CHIC1: variants seen among roughly 807,000 people sequenced by gnomAD.
CHIC1 encodes cysteine-rich hydrophobic domain-containing protein 1.
CHIC1 carries 7 observed loss-of-function variants against 18.5 expected under a neutral mutation model. The observed-to-expected ratio is 0.38, with a 90% CI of 0.22 to 0.71. The LOEUF (loss-of-function observed/expected upper bound fraction) is 0.71. Among genes scored for constraint, CHIC1 ranks in the 30% least tolerant of loss-of-function variants. The pLI, the probability that CHIC1 is intolerant of heterozygous loss-of-function variation, is 0.49. For missense variants in CHIC1, 159 were observed against 176.9 expected, an observed-to-expected ratio of 0.90 and a Z score of 0.57; for synonymous variants, 77 against 73.5, an observed-to-expected ratio of 1.05 and a Z score of -0.25.
At chrX:73,576,881 C>T (rs1280363366) in intron 1 of CHIC1, among the ~76,000 whole-genome samples, 1 of 110,596 alleles carries the variant, frequency 9.0e-6, no homozygotes, top group African/African-American at 3.3e-5. Context: ...GAAAGCCATT[C>T]ATAAGGATTA....
intron 3 of CHIC1, among the ~76,000 whole-genome samples, chrX:73,644,380 A>G (rs888747767): frequency 4.5e-5 from 5 of 112,157 alleles, no homozygotes; most frequent in African/African-American, 1.6e-4. Flanking sequence ...CTCCAGCTGC[A>G]TGCTGGGAGA....
chrX:73,573,997 T>C (rs2057483713), intron 1 of CHIC1, among the ~76,000 whole-genome samples: 1 of 110,677 alleles, frequency 9.0e-6, no homozygotes, highest in South Asian at 3.8e-4. Context: ...ACATTTTTTT[T>C]CTTGTTCCAG....
At chrX:73,647,877 T>C (rs1411432391) in intron 3 of CHIC1, among the ~76,000 whole-genome samples, 1 of 112,027 alleles carries the variant, frequency 8.9e-6, no homozygotes, top group Non-Finnish European at 1.9e-5. Flanking sequence ...AAGTGCATGA[T>C]TAAATGGATT....
chrX:73,667,241 G>A (rs1307027026), intron 3 of CHIC1, among the ~76,000 whole-genome samples: 1 of 111,223 alleles, frequency 9.0e-6, no homozygotes, highest in Admixed American at 9.5e-5. Flanking sequence ...GCATATTTTT[G>A]TCTTTGCATG....
In CHIC1 at chrX:73,685,287, A is replaced by G. The variant is rs1388815239; in HGVS notation, c.*4282A>G. The G allele has an allele frequency of 9.0e-6, 1 of 111,398 alleles. No individual in the cohort carries two copies. Among genetic ancestry groups the G allele is most frequent in the Admixed American group, 9.6e-5 (1 of 10,441 alleles). The allele number at this position is 111,398 out of a possible 1,213,427, so 9.2% of individuals were successfully genotyped here. On this transcript the variant is annotated 3_prime_UTR_variant, in exon 6 of 6. Transcript: ENST00000373502. ...AGTTCCTTGGTGATGCTAAGAGTAA[A>G]TGTAGTTTTCCTAGGAACTGAGCAC...
intron 3 of CHIC1, among the ~76,000 whole-genome samples, chrX:73,616,757 G>A (rs2147580534): frequency 8.9e-6 from 1 of 111,745 alleles, no homozygotes; most frequent in East Asian, 2.8e-4. Context: ...TGGCTAGAGT[G>A]GCTAGGATGG....
intron 3 of CHIC1, among the ~76,000 whole-genome samples, chrX:73,617,737 A>G (rs1881547446): frequency 9.0e-6 from 1 of 111,651 alleles, no homozygotes; most frequent in Non-Finnish European, 1.9e-5. Context: ...AACTGCCCCC[A>G]TGATTCAATT....
In CHIC1 at chrX:73,603,160, C is replaced by A. The variant is rs188974752; in HGVS notation, c.507+18588C>A. Among the ~76,000 whole-genome samples the A allele has an allele frequency of 5.5e-5, 6 of 108,307 alleles. No individual in the cohort carries two copies. The East Asian group carries it at 1.4e-3, about 26-fold the overall frequency. 94.1% of individuals were successfully genotyped at this position (108,307 alleles called of 115,157 possible). On this transcript the variant is annotated intron_variant, in intron 3 of 5. Transcript: ENST00000373502. ...CTATTTATGAGCATGGAATGTTTTT[C>A]CATTTGTTTTTGTCCTCTCTTGAGC...
intron 2 of CHIC1, among the ~76,000 whole-genome samples, chrX:73,580,980 A>G (rs963423959): frequency 9.0e-6 from 1 of 111,355 alleles, no homozygotes; most frequent in African/African-American, 3.2e-5. Context: ...TGTTTTCCCT[A>G]TTTCATATCG....
Position 73,683,335 on chromosome X carries a change from A to AT in CHIC1, c.*2337dup, listed in dbSNP as rs1021319443. On this transcript the variant is annotated 3_prime_UTR_variant, in exon 6 of 6. Transcript: ENST00000373502. ...TCTTCAACTACCCAAAAAAATACCA[A>AT]TTTTTTTCCTCTCTTGTATGACTAC... 1 of 111,058 alleles carries AT rather than the reference A, an allele frequency of 9.0e-6. No individual in the cohort carries two copies. 9.2% of individuals were successfully genotyped at this position (111,058 alleles called of 1,213,427 possible).
intron 3 of CHIC1, among the ~76,000 whole-genome samples, chrX:73,628,894 A>C (rs891478721): frequency 2.7e-5 from 3 of 111,064 alleles, no homozygotes; most frequent in Non-Finnish European, 5.7e-5. Context: ...TTAATTTTTG[A>C]GGAAACTCCA....
intron 3 of CHIC1, among the ~76,000 whole-genome samples, chrX:73,627,252 A>C (rs918544644): frequency 3.6e-5 from 4 of 112,090 alleles, no homozygotes; most frequent in African/African-American, 1.3e-4. Flanking sequence ...GTGCTTCGTC[A>C]GACCTGAAGC....
At position 73,680,943 on chromosome X, in the gene CHIC1, T is replaced by A; in HGVS notation, c.625-12T>A. 1.0e-6 allele frequency: 1 copy of A among 959,960 alleles called. No homozygotes were observed. The highest frequency in any genetic ancestry group is 1.4e-6 in the Non-Finnish European group (1 of 692,428). The allele number at this position is 959,960 out of a possible 1,213,427, so 79.1% of individuals were successfully genotyped here. A position where few individuals can be genotyped will look rare whatever the true frequency, so the allele number is the denominator to read the frequency against. ...AATATTTTGTAAATATATTCTTGTT[T>A]TTATTTTGCAGGTAATACTAATAGA... On this transcript the variant is annotated splice_polypyrimidine_tract_variant and intron_variant, in intron 5 of 5. Transcript: ENST00000373502.
intron 3 of CHIC1, among the ~76,000 whole-genome samples, chrX:73,594,086 G>T (rs917577968): frequency 2.4e-4 from 26 of 110,179 alleles, no homozygotes; most frequent in African/African-American, 8.6e-4. Context: ...TATTTTATAG[G>T]GGTTTTTTTT....
chrX:73,634,996 G>C lies in CHIC1; in HGVS notation c.508-44330G>C, dbSNP rs139906688. Among the ~76,000 whole-genome samples, 1,022 of 110,397 alleles carry C rather than the reference G, an allele frequency of 9.3e-3. 8 individuals carry two copies. Among genetic ancestry groups the C allele is most frequent in the African/African-American group, 0.033 (994 of 30,258 alleles). ...GTGCTGAAACCTTAGTTAGACTCTG[G>C]CTCCCACAAAAGTATTCTCATCTAT... On this transcript the variant is annotated intron_variant, in intron 3 of 5. Coordinates refer to ENST00000373502, the MANE Select transcript of CHIC1 (RefSeq NM_001039840.4).
chrX:73,662,147 A>G (rs1053449960), intron 3 of CHIC1, among the ~76,000 whole-genome samples: 1 of 110,896 alleles, frequency 9.0e-6, no homozygotes, highest in Non-Finnish European at 1.9e-5. Context: ...CATGCTCTAT[A>G]TGGCCTGGTA....
chrX:73,642,882 C>G (rs1303301639), intron 3 of CHIC1, among the ~76,000 whole-genome samples: 2 of 108,782 alleles, frequency 1.8e-5, no homozygotes, highest in Admixed American at 9.9e-5. Flanking sequence ...TGATCTATAT[C>G]TCTGTTTTGG....
In CHIC1 at chrX:73,686,950, C is replaced by CTTT. The variant is rs2058125160; in HGVS notation, c.*5945_*5946insTTT. The CTTT allele has an allele frequency of 9.0e-6, 1 of 111,402 alleles. No homozygotes were observed. The highest frequency in any genetic ancestry group is 1.9e-5 in the Non-Finnish European group (1 of 52,877). 9.2% of individuals were successfully genotyped at this position (111,402 alleles called of 1,213,427 possible). On this transcript the variant is annotated 3_prime_UTR_variant, in exon 6 of 6. Transcript: ENST00000373502. ...CTCCCTTGAGTCCAGGAATGACTTC[C>CTTT]CTGGAAAAACTCAATCTATATACAG...
upstream of CHIC1, chrX:73,563,156 G>A (rs1403877509): frequency 9.6e-6 from 2 of 208,414 alleles, no homozygotes; most frequent in Non-Finnish European, 1.2e-5. Context: ...CCAACACGCA[G>A]GCGCGTCTCC....
Sources: allele counts gnomAD v4.1 joint callset (sites outside exome capture counted in the v4.1 genomes callset), GRCh38; gene constraint gnomAD v4.1.1; transcripts MANE v1.5; gene names NCBI Gene and HGNC (gene_info 2026-07-23, HGNC 2026-07-21).